Variants in LINGO2 observed in about 807,000 individuals in gnomAD.
LINGO2 encodes the protein leucine rich repeat and Ig domain containing 2.
LINGO2 carries 14 observed loss-of-function variants against 30.6 expected under a neutral mutation model. That is an observed-to-expected ratio of 0.46 (90% CI 0.30 to 0.72). The LOEUF (loss-of-function observed/expected upper bound fraction) is 0.72. Among genes scored for constraint, LINGO2 ranks in the 30% least tolerant of loss-of-function variants. The pLI, the probability that LINGO2 is intolerant of heterozygous loss-of-function variation, is 0.07. For missense variants in LINGO2, 729 were observed against 751.7 expected (o/e 0.97, Z 0.35); for synonymous variants, 317 against 288.5 (o/e 1.10, Z -1.00).
chr9:28,314,273 T>C (rs1262935374), intron 3 of LINGO2, among the ~76,000 whole-genome samples: 15 of 152,156 alleles, frequency 9.9e-5, no homozygotes, highest in Admixed American at 9.2e-4. Flanking sequence ...TATAACATGA[T>C]TGTGGCATGA....
chr9:28,111,179 C>T (rs553051947), intron 4 of LINGO2, among the ~76,000 whole-genome samples: 5 of 152,040 alleles, frequency 3.3e-5, no homozygotes, highest in East Asian at 3.9e-4. Context: ...AAGTGGGAGT[C>T]GAATAATGAG....
At chr9:28,874,042 C>A in the LINGO2 span, among the ~76,000 whole-genome samples, 1 of 151,950 alleles carries the variant, frequency 6.6e-6, no homozygotes, top group Non-Finnish European at 1.5e-5. Flanking sequence ...CAGGAAATTG[C>A]TTGACTTAAA....
At chr9:29,033,543 G>C in the LINGO2 span, among the ~76,000 whole-genome samples, 17 of 151,870 alleles carry the variant, frequency 1.1e-4, no homozygotes, top group South Asian at 3.3e-3. Context: ...CCAAGATTGA[G>C]TGAAAATATA....
chr9:28,004,495 C>T (rs775611699), intron 5 of LINGO2, among the ~76,000 whole-genome samples: 3 of 152,076 alleles, frequency 2.0e-5, no homozygotes, highest in Non-Finnish European at 4.4e-5. Flanking sequence ...AAATGTAAGC[C>T]AGTTTGTCAC....
intron 4 of LINGO2, among the ~76,000 whole-genome samples, chr9:28,136,099 C>T (rs1320401837): frequency 1.3e-5 from 2 of 152,116 alleles, no homozygotes; most frequent in Admixed American, 1.3e-4. Flanking sequence ...TAGAGTCTGA[C>T]AGACTCCATT....
the LINGO2 span, among the ~76,000 whole-genome samples, chr9:29,061,093 GA>G: frequency 2.0e-5 from 3 of 151,772 alleles, no homozygotes; most frequent in African/African-American, 7.2e-5. Context: ...AATCAAGCTG[GA>G]AAAAAATGTA....
chr9:29,110,911 G>T, the LINGO2 span, among the ~76,000 whole-genome samples: 18 of 150,942 alleles, frequency 1.2e-4, no homozygotes, highest in South Asian at 2.7e-3. Context: ...AGATGCTCTT[G>T]ATCTCTTCAC....
At chr9:28,537,210 A>C (rs56907106) in intron 1 of LINGO2, among the ~76,000 whole-genome samples, 10,316 of 152,108 alleles carry the variant, frequency 0.068, 812 homozygotes, top group African/African-American at 0.19. Context: ...TTGACCAACA[A>C]TGTGATCTCA....
At chr9:28,194,279 T>C (rs1819929774) in intron 4 of LINGO2, among the ~76,000 whole-genome samples, 1 of 152,032 alleles carries the variant, frequency 6.6e-6, no homozygotes, top group African/African-American at 2.4e-5. Flanking sequence ...ATAAAATATA[T>C]GCCACAAAAT....
chr9:28,591,152 C>T (rs1306760572), intron 1 of LINGO2, among the ~76,000 whole-genome samples: 6 of 144,694 alleles, frequency 4.1e-5, no homozygotes, highest in Non-Finnish European at 9.0e-5. Context: ...ACACTGGGGC[C>T]TGTTGTGGGG....
the LINGO2 span, among the ~76,000 whole-genome samples, chr9:28,781,971 G>A: frequency 6.6e-6 from 1 of 152,222 alleles, no homozygotes; most frequent in African/African-American, 2.4e-5. Context: ...ACATCAGAGG[G>A]AATTTGATAT....
At chr9:28,648,164 T>C (rs1827928063) in intron 1 of LINGO2, among the ~76,000 whole-genome samples, 2 of 152,120 alleles carry the variant, frequency 1.3e-5, no homozygotes, top group Non-Finnish European at 2.9e-5. Context: ...GACTGGTTTC[T>C]ATGAGATGGC....
At chr9:29,211,973 G>A in the LINGO2 span, among the ~76,000 whole-genome samples, 22 of 152,060 alleles carry the variant, frequency 1.4e-4, no homozygotes, top group Non-Finnish European at 2.9e-4. Context: ...ACCTTTTTTA[G>A]ATACAGACCC....
the LINGO2 span, among the ~76,000 whole-genome samples, chr9:29,163,146 A>T: frequency 2.6e-5 from 4 of 152,296 alleles, no homozygotes; most frequent in Middle Eastern, 3.4e-3. Flanking sequence ...CTACATCTTA[A>T]CACTAACTAG....
the LINGO2 span, among the ~76,000 whole-genome samples, chr9:29,005,927 G>C: frequency 6.6e-6 from 1 of 151,674 alleles, no homozygotes; most frequent in Non-Finnish European, 1.5e-5. Flanking sequence ...CCTTAGTTTG[G>C]TTGAAATGAC....
chr9:28,178,869 TC>T (rs1828819845), intron 4 of LINGO2, among the ~76,000 whole-genome samples: 1 of 152,144 alleles, frequency 6.6e-6, no homozygotes, highest in Admixed American at 6.6e-5. Flanking sequence ...CAAAATAACT[TC>T]TATTAGCTTC....
rs77964123 is a variant in LINGO2 at position 28,345,111 on chromosome 9, C to T, written c.-246+27725G>A. On this transcript the variant is annotated intron_variant, in intron 3 of 5. Transcript: ENST00000379992. ...GTGTTAAGAAAAAAAAAAAGAGGTA[C>T]CCCTTAAGAAGTACCTTGGAATAGG... Among the ~76,000 whole-genome samples, 859 of 151,762 alleles carry T rather than the reference C, an allele frequency of 5.7e-3. 36 individuals are homozygous for T. The East Asian group carries it at 0.11, about 19-fold the overall frequency.
At chr9:28,948,242 A>G in the LINGO2 span, among the ~76,000 whole-genome samples, 1 of 152,146 alleles carries the variant, frequency 6.6e-6, no homozygotes, top group South Asian at 2.1e-4. Flanking sequence ...TTAGAGAAAG[A>G]AAAATAATTT....
At chr9:28,881,737 C>T in the LINGO2 span, among the ~76,000 whole-genome samples, 1,294 of 152,030 alleles carry the variant, frequency 8.5e-3, 25 homozygotes, top group African/African-American at 0.03. Context: ...CACAGATCAT[C>T]CCATTACCTA....
Sources: allele counts gnomAD v4.1 joint callset (sites outside exome capture counted in the v4.1 genomes callset), GRCh38; gene constraint gnomAD v4.1.1; transcripts MANE v1.5; gene names NCBI Gene and HGNC (gene_info 2026-07-23, HGNC 2026-07-21).